Variants in NFIA observed in about 807,000 individuals in gnomAD.
NFIA encodes the protein nuclear factor I A, also known as nuclear factor 1 A-type.
In NFIA, 8 loss-of-function variants were observed where a neutral mutation model predicts 62.8. The observed-to-expected ratio is 0.13, with a 90% CI of 0.07 to 0.23. NFIA has a LOEUF of 0.23. NFIA is among the 10% of genes least tolerant of loss of function. The probability of loss-of-function intolerance (pLI) is 1.00; values close to 1 mark genes in which losing one functional copy is unlikely to be tolerated. For missense variants in NFIA, 410 were observed against 642.1 expected (o/e 0.64, Z 3.91); for synonymous variants, 235 against 238.1 (o/e 0.99, Z 0.12).
chr1:61,149,070 T>C (rs1182882022), intron 2 of NFIA, among the ~76,000 whole-genome samples: 1 of 150,880 alleles, frequency 6.6e-6, no homozygotes, highest in Non-Finnish European at 1.5e-5. Flanking sequence ...TTTTTTTTTT[T>C]TTTTGGATGA....
Position 61,458,409 on chromosome 1 carries a change from A to T in NFIA, c.*3089A>T, listed in dbSNP as rs1189062108. On this transcript the variant is annotated 3_prime_UTR_variant, in exon 11 of 11. Coordinates refer to ENST00000403491, the MANE Select transcript of NFIA (RefSeq NM_001134673.4). ...GCAGTTTTAGTTGTTTTTAGTGAGC[A>T]TGTTGTAGTCATGACTGCAAAGAGA... 1 of 152,162 alleles carries T rather than the reference A, an allele frequency of 6.6e-6. No individual in the cohort carries two copies. The highest frequency in any genetic ancestry group is 1.5e-5 in the Non-Finnish European group (1 of 68,020). 9.4% of individuals were successfully genotyped at this position (152,162 alleles called of 1,614,324 possible).
intron 2 of NFIA, among the ~76,000 whole-genome samples, chr1:61,247,544 C>T (rs560053443): frequency 6.6e-6 from 1 of 152,200 alleles, no homozygotes; most frequent in Admixed American, 6.5e-5. Context: ...CCACCTGGCA[C>T]GGTCCATTGG....
intron 9 of NFIA, among the ~76,000 whole-genome samples, chr1:61,408,069 T>TG (rs1665933315): frequency 6.6e-6 from 1 of 151,982 alleles, no homozygotes; most frequent in Admixed American, 6.6e-5. Flanking sequence ...CATCAGAGAG[T>TG]GAGCTTTGGG....
intron 2 of NFIA, among the ~76,000 whole-genome samples, chr1:61,218,819 T>C (rs1303328873): frequency 6.6e-6 from 1 of 152,262 alleles, no homozygotes; most frequent in Admixed American, 6.5e-5. Context: ...TTATAATTAA[T>C]GTGGCAATTA....
At chr1:61,422,149 G>C (rs1666649741) in intron 9 of NFIA, among the ~76,000 whole-genome samples, 3 of 152,236 alleles carry the variant, frequency 2.0e-5, no homozygotes, top group Admixed American at 2.0e-4. Context: ...TGTAGTCCCA[G>C]CTACTCAGGA....
At position 61,417,104 on chromosome 1, in the gene NFIA, C is replaced by G. The variant is rs537177274; in HGVS notation, c.1421-9361C>G. Among the ~76,000 whole-genome samples the G allele has an allele frequency of 3.9e-5, 6 of 151,922 alleles. No individual in the cohort carries two copies. In the East Asian group the frequency reaches 1.2e-3, roughly 29 times the overall value. On this transcript the variant is annotated intron_variant, in intron 9 of 10. Transcript: ENST00000403491. ...TAACCCAGTCAACTCTTGTGTTCACCTTAGTTTTTTATTATTTCAGATGAC... is the reference window on the plus strand; with the variant it reads ...TAACCCAGTCAACTCTTGTGTTCACGTTAGTTTTTTATTATTTCAGATGAC...
chr1:61,136,775 C>G (rs1015866409), intron 2 of NFIA, among the ~76,000 whole-genome samples: 1 of 152,160 alleles, frequency 6.6e-6, no homozygotes, highest in African/African-American at 2.4e-5. Context: ...CAAATTCTAG[C>G]AACTTCCCCT....
chr1:61,174,813 TTGAGTCACATTTGC>T (rs1425975222), intron 2 of NFIA, among the ~76,000 whole-genome samples: 3 of 152,158 alleles, frequency 2.0e-5, no homozygotes, highest in Admixed American at 2.0e-4. Context: ...GACGTTTAGC[TTGAGTCACATTTGC>T]TGAGACTGAA....
chr1:61,376,774 C>T (rs1440149926), intron 6 of NFIA, among the ~76,000 whole-genome samples: 2 of 152,098 alleles, frequency 1.3e-5, no homozygotes, highest in African/African-American at 4.8e-5. Context: ...AATGTATGCA[C>T]TTGAGAACCA....
intron 2 of NFIA, among the ~76,000 whole-genome samples, chr1:61,134,263 T>A (rs1038812744): frequency 1.3e-5 from 2 of 151,338 alleles, no homozygotes; most frequent in Non-Finnish European, 2.9e-5. Context: ...TGTGTGTGTG[T>A]GTGTGTGTGT....
chr1:61,322,538 G>T (rs1378464735), intron 3 of NFIA, among the ~76,000 whole-genome samples: 1 of 152,002 alleles, frequency 6.6e-6, no homozygotes. Context: ...TTCAGGGCAA[G>T]AATTTCCTTT....
intron 10 of NFIA, among the ~76,000 whole-genome samples, chr1:61,438,895 A>G (rs1481329490): frequency 6.6e-6 from 1 of 152,014 alleles, no homozygotes; most frequent in Non-Finnish European, 1.5e-5. Flanking sequence ...AGTGACTGAA[A>G]TACCGCAGGG....
chr1:61,408,929 T>C (rs1023317939), intron 9 of NFIA, among the ~76,000 whole-genome samples: 4 of 152,232 alleles, frequency 2.6e-5, no homozygotes, highest in African/African-American at 9.6e-5. Flanking sequence ...AATATATCTG[T>C]AGGACTTGGA....
chr1:61,120,741 C>T (rs1646874536), intron 2 of NFIA, among the ~76,000 whole-genome samples: 1 of 152,182 alleles, frequency 6.6e-6, no homozygotes. Context: ...CCATTTAAAA[C>T]TGAAAGTGGC....
intron 2 of NFIA, among the ~76,000 whole-genome samples, chr1:61,264,622 G>T (rs1657025862): frequency 8.1e-6 from 1 of 124,122 alleles, no homozygotes; most frequent in South Asian, 2.5e-4. Flanking sequence ...TTGCACTCCA[G>T]CCTGGGCGAT....
intron 6 of NFIA, among the ~76,000 whole-genome samples, chr1:61,377,165 G>T (rs940849350): frequency 6.6e-6 from 1 of 151,864 alleles, no homozygotes. Flanking sequence ...AGAGGTTGCA[G>T]TGAGCCAAGA....
chr1:61,266,263 C>T (rs1008264707), intron 2 of NFIA, among the ~76,000 whole-genome samples: 2 of 152,132 alleles, frequency 1.3e-5, no homozygotes, highest in Non-Finnish European at 2.9e-5. Flanking sequence ...CATAGAGTCT[C>T]CTCCAAACCA....
At chr1:61,438,050 A>T (rs1667409747) in intron 10 of NFIA, among the ~76,000 whole-genome samples, 1 of 152,164 alleles carries the variant, frequency 6.6e-6, no homozygotes, top group Non-Finnish European at 1.5e-5. Context: ...TCCTCCTGAG[A>T]TACAGGATTT....
Position 61,436,064 on chromosome 1 carries a change from C to T in NFIA, c.1512+9508C>T, listed in dbSNP as rs189084236. 5.3e-5 allele frequency among the ~76,000 whole-genome samples: 8 copies of T among 152,232 alleles called. No homozygotes were observed. The East Asian group carries it at 1.4e-3, about 26-fold the overall frequency. On this transcript the variant is annotated intron_variant, in intron 10 of 10. Coordinates refer to ENST00000403491, the MANE Select transcript of NFIA (RefSeq NM_001134673.4). The stretch of plus-strand genomic sequence containing the variant: ...CTGGCGTTTTGTGCAGACCTGCTCC[C>T]ATGGGGCTGGGTCACCGTGTGCTGG...
Sources: gnomAD v4.1 joint callset for allele counts (sites outside exome capture counted in the v4.1 genomes callset) on GRCh38, gnomAD v4.1.1 for gene constraint, MANE v1.5 for transcripts, NCBI Gene and HGNC (gene_info 2026-07-23, HGNC 2026-07-21) for gene names.